STAG1: variants seen among roughly 807,000 people sequenced by gnomAD.
STAG1 encodes the protein cohesin subunit SA-1.
STAG1 carries 26 observed loss-of-function variants against 170.9 expected under a neutral mutation model. That is an observed-to-expected ratio of 0.15 (90% confidence interval 0.11 to 0.21). The LOEUF (loss-of-function observed/expected upper bound fraction) is 0.21, where lower values mean the gene tolerates loss of function less well. Among genes scored for constraint, STAG1 ranks in the 10% least tolerant of loss-of-function variants. The pLI, the probability that STAG1 is intolerant of heterozygous loss-of-function variation, is 1.00. For synonymous variants in STAG1, 514 were observed against 497.7 expected (o/e 1.03, Z -0.44); for missense variants, 964 against 1,509.5 (o/e 0.64, Z 5.99).
At chr3:136,385,686 C>T (rs1388993157) in intron 22 of STAG1, among the ~76,000 whole-genome samples, 1 of 152,030 alleles carries the variant, frequency 6.6e-6, no homozygotes, top group Non-Finnish European at 1.5e-5. Flanking sequence ...TATCAGTGAT[C>T]TACTAACCAA....
chr3:136,412,804 C>G (rs1272669234), intron 21 of STAG1, among the ~76,000 whole-genome samples: 1 of 151,022 alleles, frequency 6.6e-6, no homozygotes, highest in Admixed American at 6.6e-5. Flanking sequence ...ATGCATTATT[C>G]TGCATTGGTC....
chr3:136,519,475 C>T (rs1392953700), intron 7 of STAG1, among the ~76,000 whole-genome samples: 9 of 152,018 alleles, frequency 5.9e-5, no homozygotes, highest in Admixed American at 4.6e-4. Context: ...AAAGTAAATT[C>T]GTTAATTCTT....
chr3:136,601,661 A>AAAAC (rs902869948), intron 4 of STAG1, among the ~76,000 whole-genome samples: 11 of 152,084 alleles, frequency 7.2e-5, no homozygotes, highest in African/African-American at 1.2e-4. Context: ...CTAAAAATAC[A>AAAAC]AAACAAACAA....
chr3:136,503,321 T>C (rs1007815280), intron 7 of STAG1, among the ~76,000 whole-genome samples: 5 of 152,300 alleles, frequency 3.3e-5, no homozygotes, highest in African/African-American at 7.2e-5. Flanking sequence ...ACCAAACTCA[T>C]TGAAGTCCAT....
chr3:136,712,192 T>G (rs1017613038), intron 1 of STAG1, among the ~76,000 whole-genome samples: 4 of 152,134 alleles, frequency 2.6e-5, no homozygotes, highest in Non-Finnish European at 5.9e-5. Context: ...TAATTTTTTG[T>G]ATTTTAGTAG....
At chr3:136,678,524 T>C (rs1942214612) in intron 1 of STAG1, among the ~76,000 whole-genome samples, 1 of 137,584 alleles carries the variant, frequency 7.3e-6, no homozygotes, top group Admixed American at 6.9e-5. Context: ...TAAACATGAA[T>C]TGCAAAAAAA....
rs1937194229 is a variant in STAG1 at position 136,369,101 on chromosome 3, C to T, written c.2545+7G>A. ...ATCAATATTGACAAGATGATAGCTA[C>T]AAGTACCCATGCTCTGGTTCTCCTC... On this transcript the variant is annotated splice_region_variant and intron_variant, in intron 24 of 33. Transcript: ENST00000383202. 6.7e-7 allele frequency: 1 copy of T among 1,498,090 alleles called. No homozygotes were observed. Among genetic ancestry groups the T allele is most frequent in the Admixed American group, 2.5e-5 (1 of 40,750 alleles). The allele number at this position is 1,498,090 out of a possible 1,614,324, so 92.8% of individuals were successfully genotyped here.
At chr3:136,645,007 G>T (rs891778945) in intron 1 of STAG1, among the ~76,000 whole-genome samples, 7 of 152,142 alleles carry the variant, frequency 4.6e-5, no homozygotes, top group African/African-American at 1.7e-4. Flanking sequence ...TGGGATTACA[G>T]GTGTGAATCA....
intron 1 of STAG1, among the ~76,000 whole-genome samples, chr3:136,708,031 C>G (rs548014717): frequency 1.0e-3 from 157 of 152,246 alleles, no homozygotes; most frequent in Non-Finnish European, 1.9e-3. Flanking sequence ...AATAGGAACT[C>G]TCATACATTG....
intron 21 of STAG1, among the ~76,000 whole-genome samples, chr3:136,415,118 T>G (rs2087734966): frequency 1.3e-5 from 2 of 152,090 alleles, no homozygotes; most frequent in Non-Finnish European, 2.9e-5. Context: ...TTTACCAAAA[T>G]GTGACACAGA....
chr3:136,512,096 T>TAAATA (rs1934093463), intron 7 of STAG1, among the ~76,000 whole-genome samples: 17 of 68,302 alleles, frequency 2.5e-4, no homozygotes, highest in Non-Finnish European at 3.3e-4. Context: ...CTCTACAAAA[T>TAAATA]AAAAAAAAAA....
intron 20 of STAG1, 101 bp from the exon 21 acceptor site, chr3:136,418,073 G>T: frequency 2.1e-6 from 2 of 936,002 alleles, no homozygotes; most frequent in South Asian, 3.1e-5. Flanking sequence ...TTTCATTTCG[G>T]CTGGGCACAC....
chr3:136,520,327 A>C (rs1934611637), intron 7 of STAG1, among the ~76,000 whole-genome samples: 2 of 152,130 alleles, frequency 1.3e-5, no homozygotes, highest in African/African-American at 4.8e-5. Context: ...AGAAATTAAA[A>C]TTTAAATGCA....
chr3:136,394,390 C>G (rs1283137991), intron 22 of STAG1, among the ~76,000 whole-genome samples: 2 of 152,088 alleles, frequency 1.3e-5, no homozygotes, highest in East Asian at 1.9e-4. Flanking sequence ...AGACAAATAC[C>G]TAAGTAAGAA....
intron 9 of STAG1, among the ~76,000 whole-genome samples, chr3:136,484,143 A>G (rs1039247899): frequency 1.6e-4 from 24 of 145,700 alleles, no homozygotes; most frequent in Admixed American, 4.1e-4. Context: ...CTTTTGGAGG[A>G]GGAGAGGCGC....
chr3:136,453,861 T>C (rs762238273), intron 13 of STAG1, among the ~76,000 whole-genome samples: 13 of 151,862 alleles, frequency 8.6e-5, no homozygotes, highest in Non-Finnish European at 1.5e-4. Context: ...TGAGAATAAT[T>C]TCATGTGATA....
At chr3:136,560,293 C>T (rs954394746) in intron 5 of STAG1, among the ~76,000 whole-genome samples, 1 of 152,188 alleles carries the variant, frequency 6.6e-6, no homozygotes. Context: ...TAAAAATAGG[C>T]ACATCTGTCA....
At chr3:136,542,404 G>A (rs749264478) in intron 5 of STAG1, among the ~76,000 whole-genome samples, 2 of 152,090 alleles carry the variant, frequency 1.3e-5, no homozygotes, top group Admixed American at 6.6e-5. Context: ...TGAAATTGCC[G>A]TTTTTAACTA....
At chr3:136,691,782 T>C (rs1336323752) in intron 1 of STAG1, among the ~76,000 whole-genome samples, 1 of 152,200 alleles carries the variant, frequency 6.6e-6, no homozygotes, top group Non-Finnish European at 1.5e-5. Flanking sequence ...ATCAACACCA[T>C]CTTCCTTACA....
Sources: gnomAD v4.1 joint callset for allele counts (sites outside exome capture counted in the v4.1 genomes callset) on GRCh38, gnomAD v4.1.1 for gene constraint, MANE v1.5 for transcripts, NCBI Gene and HGNC (gene_info 2026-07-23, HGNC 2026-07-21) for gene names.